STAU2: variants seen among roughly 807,000 people sequenced by gnomAD.
STAU2 encodes the protein double-stranded RNA-binding protein Staufen homolog 2.
In STAU2, 20 loss-of-function variants were observed where a neutral mutation model predicts 65.9. The ratio of observed to expected loss-of-function variants is 0.30; its 90% CI spans 0.21 to 0.44. STAU2 has a LOEUF of 0.44. Ranked by LOEUF, STAU2 falls within the 20% of genes least tolerant of loss-of-function variation. STAU2 has a pLI of 1.00. For synonymous variants in STAU2, 232 were observed against 233.9 expected (o/e 0.99, Z 0.07); for missense variants, 558 against 683.9 (o/e 0.82, Z 2.05).
chr8:73,577,319 T>C (rs1052840268), intron 12 of STAU2, among the ~76,000 whole-genome samples: 4 of 150,702 alleles, frequency 2.7e-5, no homozygotes, highest in Admixed American at 6.6e-5. Context: ...TCCCAGCTAC[T>C]GGGAAGGCTG....
chr8:73,519,576 A>C (rs1822932992), intron 13 of STAU2, among the ~76,000 whole-genome samples: 1 of 152,218 alleles, frequency 6.6e-6, no homozygotes, highest in South Asian at 2.1e-4. Context: ...CAGTATGTGA[A>C]TACACCAAGA....
chr8:73,628,862 T>C (rs1813882747), intron 6 of STAU2, among the ~76,000 whole-genome samples: 1 of 152,242 alleles, frequency 6.6e-6, no homozygotes. Context: ...CTGTTTGCTT[T>C]ATTACAACGT....
At chr8:73,618,993 G>A (rs1813037539) in intron 6 of STAU2, among the ~76,000 whole-genome samples, 3 of 152,076 alleles carry the variant, frequency 2.0e-5, no homozygotes, top group Admixed American at 2.0e-4. Context: ...TCTGTTTTGG[G>A]GATATTCAAT....
At chr8:73,596,375 T>C (rs1268345630) in intron 10 of STAU2, among the ~76,000 whole-genome samples, 1 of 152,228 alleles carries the variant, frequency 6.6e-6, no homozygotes, top group African/African-American at 2.4e-5. Flanking sequence ...AGTTATCTTC[T>C]GTGAGCAATT....
intron 11 of STAU2, among the ~76,000 whole-genome samples, chr8:73,585,758 G>A (rs907089939): frequency 1.3e-5 from 2 of 152,166 alleles, no homozygotes; most frequent in African/African-American, 4.8e-5. Flanking sequence ...AAAAGGAGAT[G>A]ATATGGTTTG....
At chr8:73,602,183 C>T (rs1459900996) in intron 10 of STAU2, among the ~76,000 whole-genome samples, 2 of 152,046 alleles carry the variant, frequency 1.3e-5, no homozygotes, top group East Asian at 3.9e-4. Context: ...CTACTATTTA[C>T]AAACCACTGT....
At chr8:73,534,927 A>T (rs1168633117) in intron 13 of STAU2, among the ~76,000 whole-genome samples, 1 of 152,254 alleles carries the variant, frequency 6.6e-6, no homozygotes, top group African/African-American at 2.4e-5. Context: ...ACAGACTGAG[A>T]CACAACTTGG....
At chr8:73,691,515 T>C (rs575669861) in intron 4 of STAU2, among the ~76,000 whole-genome samples, 2 of 152,062 alleles carry the variant, frequency 1.3e-5, no homozygotes, top group East Asian at 3.9e-4. Flanking sequence ...AGGTCTTCCC[T>C]TCTCTCCTGC....
At chr8:73,690,362 C>CATGAAAAG (rs1819246253) in intron 4 of STAU2, among the ~76,000 whole-genome samples, 1 of 134,532 alleles carries the variant, frequency 7.4e-6, no homozygotes, top group African/African-American at 2.9e-5. Context: ...AGAAAAGAGA[C>CATGAAAAG]ATGAAAAGAC....
intron 13 of STAU2, among the ~76,000 whole-genome samples, chr8:73,501,868 T>G (rs938280382): frequency 6.6e-6 from 1 of 152,008 alleles, no homozygotes; most frequent in Admixed American, 6.6e-5. Flanking sequence ...ATCTATTGCT[T>G]CTTCTCCAGC....
chr8:73,448,815 C>A (rs1372871875), intron 13 of STAU2, among the ~76,000 whole-genome samples: 1 of 152,244 alleles, frequency 6.6e-6, no homozygotes, highest in Admixed American at 6.5e-5. Flanking sequence ...CCAGCCCTTT[C>A]GGGACGTCGC....
intron 6 of STAU2, among the ~76,000 whole-genome samples, chr8:73,654,423 G>A (rs926436705): frequency 1.1e-4 from 16 of 151,692 alleles, no homozygotes; most frequent in African/African-American, 2.9e-4. Context: ...AGGCCAAGGC[G>A]GGAGGATTGT....
intron 1 of STAU2, among the ~76,000 whole-genome samples, chr8:73,746,502 C>T (rs1807294862): frequency 6.6e-6 from 1 of 151,842 alleles, no homozygotes; most frequent in Non-Finnish European, 1.5e-5. Context: ...CTCCTCCCCT[C>T]AGGACACCTG....
At chr8:73,657,641 A>C (rs967443316) in intron 6 of STAU2, among the ~76,000 whole-genome samples, 2 of 152,114 alleles carry the variant, frequency 1.3e-5, no homozygotes, top group African/African-American at 4.8e-5. Context: ...TTCTATATTT[A>C]TATTGGTATT....
chr8:73,461,697 G>T (rs1226781542), intron 13 of STAU2, among the ~76,000 whole-genome samples: 1 of 152,038 alleles, frequency 6.6e-6, no homozygotes, highest in Non-Finnish European at 1.5e-5. Flanking sequence ...GACTGTGTAG[G>T]AGGGAGAGAA....
At chr8:73,613,989 A>G (rs1438576419) in intron 8 of STAU2, 33 bp from the exon 9 acceptor site, 2 of 1,502,662 alleles carry the variant, frequency 1.3e-6, no homozygotes, top group African/African-American at 2.8e-5. Flanking sequence ...TAAATAATGG[A>G]TAGGCACTTG....
intron 13 of STAU2, among the ~76,000 whole-genome samples, chr8:73,535,770 C>T (rs1481088449): frequency 1.3e-5 from 2 of 152,072 alleles, no homozygotes; most frequent in African/African-American, 2.4e-5. Flanking sequence ...AAATTATTTT[C>T]AACATTAAAG....
chr8:73,669,046 A>C, intron 6 of STAU2: 2 of 553,812 alleles, frequency 3.6e-6, no homozygotes, highest in Non-Finnish European at 6.3e-6. Context: ...GGGTTCTGAC[A>C]AGGAAAAGAC....
At chr8:73,509,480 C>T (rs1403664014) in intron 13 of STAU2, among the ~76,000 whole-genome samples, 2 of 151,888 alleles carry the variant, frequency 1.3e-5, no homozygotes, top group African/African-American at 4.8e-5. Flanking sequence ...TTTTTAAAAG[C>T]AGAGGGTCAG....
Sources: gnomAD v4.1 joint callset for allele counts (sites outside exome capture counted in the v4.1 genomes callset) on GRCh38, gnomAD v4.1.1 for gene constraint, MANE v1.5 for transcripts, NCBI Gene and HGNC (gene_info 2026-07-23, HGNC 2026-07-21) for gene names.